Variants in IMPG2 observed in about 807,000 individuals in gnomAD.
IMPG2 encodes interphotoreceptor matrix proteoglycan 2.
In IMPG2, 91 loss-of-function variants were observed where a neutral mutation model predicts 129.2. The observed-to-expected ratio is 0.70, with a 90% CI of 0.59 to 0.84. The LOEUF (loss-of-function observed/expected upper bound fraction) is 0.84. Ranked by LOEUF, IMPG2 falls within the 40% of genes least tolerant of loss-of-function variation. IMPG2 has a pLI of 0.00. For missense variants in IMPG2, 1,430 were observed against 1,461.7 expected (o/e 0.98, Z 0.35); for synonymous variants, 510 against 517.7 (o/e 0.99, Z 0.20).
At chr3:101,227,122 T>A in intron 18 of IMPG2, 141 bp from the exon 19 acceptor site, 1 of 991,476 alleles carries the variant, frequency 1.0e-6, no homozygotes, top group Non-Finnish European at 1.5e-6. Flanking sequence ...GGAAAGTTGT[T>A]CTGTTCTGTG....
At chr3:101,291,881 T>A (rs1576765632) in intron 3 of IMPG2, among the ~76,000 whole-genome samples, 1 of 152,218 alleles carries the variant, frequency 6.6e-6, no homozygotes, top group Non-Finnish European at 1.5e-5. Context: ...TTTATAGTAA[T>A]TCTCATCCTA....
At chr3:101,282,629 T>A (rs1706904104) in intron 4 of IMPG2, among the ~76,000 whole-genome samples, 1 of 152,178 alleles carries the variant, frequency 6.6e-6, no homozygotes. Flanking sequence ...AAGAAACAGT[T>A]GAGCATAATA....
rs1383565099 is a variant in IMPG2 at position 101,269,420 on chromosome 3, T to C, written c.887+95A>G. On this transcript the variant is annotated intron_variant, in intron 8 of 18. Transcript: ENST00000193391. ...GCATTGAGTTACAGCATTCAAACCA[T>C]TTATTGTTAGAATATGTGTGATAAA... 6.5e-6 allele frequency: 5 copies of C among 773,208 alleles called. No individual in the cohort carries two copies. In the East Asian group the frequency reaches 1.2e-4, roughly 19 times the overall value. The allele number at this position is 773,208 out of a possible 1,614,324, so 47.9% of individuals were successfully genotyped here.
chr3:101,228,997 T>C, intron 17 of IMPG2, 121 bp from the exon 18 acceptor site: 3 of 768,484 alleles, frequency 3.9e-6, no homozygotes, highest in South Asian at 1.5e-5. Context: ...AAGTATGCTA[T>C]AAGAAAGAAG....
intron 4 of IMPG2, among the ~76,000 whole-genome samples, chr3:101,290,774 T>A (rs1228774309): frequency 6.6e-6 from 1 of 152,156 alleles, no homozygotes; most frequent in Non-Finnish European, 1.5e-5. Flanking sequence ...GTACACTGAC[T>A]CACCTACTTG....
Position 101,253,129 on chromosome 3 carries a change from A to C in IMPG2, c.1239+567T>G, listed in dbSNP as rs530216721. 3.9e-5 allele frequency among the ~76,000 whole-genome samples: 6 copies of C among 152,088 alleles called. No individual in the cohort carries two copies. In the South Asian group the frequency reaches 6.2e-4, roughly 16 times the overall value. ...TGATGCATCTGGGTGGTAAGAACAA[A>C]AAGGAAAGTTCATCCCATGCTGTTT... On this transcript the variant is annotated intron_variant, in intron 11 of 18. Transcript: ENST00000193391.
At chr3:101,245,781 A>G in intron 12 of IMPG2, 21 bp downstream of exon 12, 1 of 1,608,824 alleles carries the variant, frequency 6.2e-7, no homozygotes, top group Non-Finnish European at 8.5e-7. Flanking sequence ...AGAAGTACGA[A>G]AAGCAATTAA....
intron 4 of IMPG2, among the ~76,000 whole-genome samples, chr3:101,283,946 G>T (rs1281474741): frequency 6.6e-6 from 1 of 152,186 alleles, no homozygotes; most frequent in Non-Finnish European, 1.5e-5. Flanking sequence ...TTGGGAAAGG[G>T]TTAGACATGT....
rs1386493525 is a variant in IMPG2, at chr3:101,315,368, G to A, written c.334+4216C>T. 3.9e-5 allele frequency among the ~76,000 whole-genome samples: 6 copies of A among 152,056 alleles called. No homozygotes were observed. The East Asian group carries it at 1.2e-3, about 29-fold the overall frequency. On this transcript the variant is annotated intron_variant, in intron 2 of 18. Transcript: ENST00000193391. ...AGTGTAAGAAAATTATTGTTTTTTT[G>A]TAGAATGTAAATTCAGAGTCAGGGA...
intron 4 of IMPG2, 135 bp downstream of exon 4, chr3:101,291,344 G>T (rs1707007228): frequency 2.6e-6 from 2 of 765,562 alleles, no homozygotes; most frequent in East Asian, 5.2e-5. Flanking sequence ...AAATATTTGG[G>T]ACTTATCCAC....
At chr3:101,315,724 T>C (rs1283535144) in intron 2 of IMPG2, among the ~76,000 whole-genome samples, 1 of 151,982 alleles carries the variant, frequency 6.6e-6, no homozygotes, top group Non-Finnish European at 1.5e-5. Flanking sequence ...CCCAAACTGA[T>C]CTATAGAATG....
At chr3:101,319,984 G>T in intron 1 of IMPG2, 152 bp from the exon 2 acceptor site, 1 of 769,476 alleles carries the variant, frequency 1.3e-6, no homozygotes. Flanking sequence ...AAAGAGGAGT[G>T]AGGCAGTCCA....
At chr3:101,304,408 T>G in intron 2 of IMPG2, 96 bp from the exon 3 acceptor site, 1 of 1,116,600 alleles carries the variant, frequency 9.0e-7, no homozygotes, top group Admixed American at 1.8e-5. Flanking sequence ...CTTGAGACAC[T>G]GAAGTGTCCT....
intron 9 of IMPG2, among the ~76,000 whole-genome samples, chr3:101,263,329 A>T (rs891736837): frequency 6.6e-6 from 1 of 151,976 alleles, no homozygotes; most frequent in Admixed American, 6.6e-5. Context: ...GTCTCAAAAA[A>T]TTTTTTTATC....
intron 17 of IMPG2, 80 bp downstream of exon 17, chr3:101,229,300 A>ACGC: frequency 1.0e-5 from 9 of 859,118 alleles, no homozygotes; most frequent in Non-Finnish European, 9.6e-6. Context: ...ACTCATACAC[A>ACGC]CCCCCACCCA....
intron 6 of IMPG2, among the ~76,000 whole-genome samples, chr3:101,274,509 G>A (rs531335140): frequency 6.6e-6 from 1 of 152,228 alleles, no homozygotes; most frequent in Admixed American, 6.5e-5. Flanking sequence ...GAGTAGATGG[G>A]AAAATGCATT....
chr3:101,306,788 A>T (rs1159673949), intron 2 of IMPG2, among the ~76,000 whole-genome samples: 1 of 152,222 alleles, frequency 6.6e-6, no homozygotes, highest in East Asian at 1.9e-4. Flanking sequence ...AGTTTCTAAA[A>T]TAAAACATAG....
chr3:101,228,597 A>G (rs1706248555), intron 18 of IMPG2, among the ~76,000 whole-genome samples, 200 bp downstream of exon 18: 1 of 152,230 alleles, frequency 6.6e-6, no homozygotes, highest in African/African-American at 2.4e-5. Context: ...AGAAACACTC[A>G]ATTTACAAAG....
At chr3:101,254,667 A>T (rs1268011637) in intron 10 of IMPG2, among the ~76,000 whole-genome samples, 4 of 152,148 alleles carry the variant, frequency 2.6e-5, no homozygotes, top group African/African-American at 4.8e-5. Context: ...CAAAACTTTT[A>T]AAAACTATGT....
Sources: gnomAD v4.1 joint callset for allele counts (sites outside exome capture counted in the v4.1 genomes callset) on GRCh38, gnomAD v4.1.1 for gene constraint, MANE v1.5 for transcripts, NCBI Gene and HGNC (gene_info 2026-07-23, HGNC 2026-07-21) for gene names.